HMG20A: variants seen among roughly 807,000 people sequenced by gnomAD.
HMG20A encodes the protein high mobility group protein 20A.
In HMG20A, 17 loss-of-function variants were observed where a neutral mutation model predicts 43.9. That is an observed-to-expected ratio of 0.39 (90% CI 0.27 to 0.58). HMG20A has a LOEUF of 0.58. Among genes scored for constraint, HMG20A ranks in the 20% least tolerant of loss-of-function variants. The probability of loss-of-function intolerance (pLI) is 0.59; values close to 1 mark genes in which losing one functional copy is unlikely to be tolerated. For missense variants in HMG20A, 341 were observed against 438.2 expected (o/e 0.78, Z 1.98); for synonymous variants, 132 against 147.5 (o/e 0.89, Z 0.76).
At chr15:77,448,269 T>A (rs1377129577) in intron 1 of HMG20A, among the ~76,000 whole-genome samples, 1 of 152,210 alleles carries the variant, frequency 6.6e-6, no homozygotes, top group African/African-American at 2.4e-5. Flanking sequence ...ATGCCTTATC[T>A]GCTGAAAACC....
At chr15:77,422,204 A>G (rs2073368990) in intron 1 of HMG20A, among the ~76,000 whole-genome samples, 3 of 152,350 alleles carry the variant, frequency 2.0e-5, no homozygotes, top group Non-Finnish European at 2.9e-5. Flanking sequence ...TTTAGTATAT[A>G]TATCAGTGAA....
chr15:77,462,124 A>G (rs114936874), intron 2 of HMG20A, among the ~76,000 whole-genome samples: 3,433 of 152,308 alleles, frequency 0.023, 107 homozygotes, highest in African/African-American at 0.072. Flanking sequence ...GGTCCACTGT[A>G]ATCTGGAATT....
At chr15:77,492,462 T>G in the HMG20A span, among the ~76,000 whole-genome samples, 118 of 152,274 alleles carry the variant, frequency 7.7e-4, 2 homozygotes, top group Non-Finnish European at 1.2e-3. Flanking sequence ...GCATAAATAC[T>G]CTTGAATTCA....
At chr15:77,510,205 C>G in the HMG20A span, among the ~76,000 whole-genome samples, 1 of 152,168 alleles carries the variant, frequency 6.6e-6, no homozygotes, top group African/African-American at 2.4e-5. Flanking sequence ...CTGGAAGGCT[C>G]TGCACACAGC....
At chr15:77,475,966 G>T (rs1038096821) in intron 6 of HMG20A, among the ~76,000 whole-genome samples, 2 of 152,128 alleles carry the variant, frequency 1.3e-5, no homozygotes, top group Non-Finnish European at 2.9e-5. Flanking sequence ...TCTTTTGTTA[G>T]GAAGAAAAAT....
chr15:77,517,577 T>C, the HMG20A span, among the ~76,000 whole-genome samples: 1 of 151,212 alleles, frequency 6.6e-6, no homozygotes, highest in Non-Finnish European at 1.5e-5. Context: ...TCCAGAAAAT[T>C]GTCTCTAATT....
At chr15:77,463,110 C>G (rs1198912780) in intron 2 of HMG20A, among the ~76,000 whole-genome samples, 1 of 152,148 alleles carries the variant, frequency 6.6e-6, no homozygotes, top group Non-Finnish European at 1.5e-5. Context: ...TCCTTCTGCT[C>G]AGAATCCTGC....
intron 2 of HMG20A, 58 bp downstream of exon 2, chr15:77,458,554 G>T: frequency 1.7e-6 from 2 of 1,191,308 alleles, no homozygotes; most frequent in Non-Finnish European, 2.5e-6. Flanking sequence ...AAAGCTTCTA[G>T]CAAAGTAAGA....
At chr15:77,442,268 A>C (rs1284719569) in intron 1 of HMG20A, among the ~76,000 whole-genome samples, 1 of 152,192 alleles carries the variant, frequency 6.6e-6, no homozygotes, top group Non-Finnish European at 1.5e-5. Flanking sequence ...AGTTAATAGG[A>C]CATAAATTGA....
At chr15:77,497,655 TAGAGAG>T in the HMG20A span, among the ~76,000 whole-genome samples, 138 of 128,082 alleles carry the variant, frequency 1.1e-3, no homozygotes, top group African/African-American at 3.6e-3. Flanking sequence ...GAGATATTAA[TAGAGAG>T]AGAGAGAGAG....
At chr15:77,459,459 CTA>C (rs2072685939) in intron 2 of HMG20A, among the ~76,000 whole-genome samples, 1 of 151,926 alleles carries the variant, frequency 6.6e-6, no homozygotes, top group Admixed American at 6.6e-5. Flanking sequence ...AAAACATATA[CTA>C]TGTTGATAAG....
chr15:77,426,412 C>A (rs548319973), intron 1 of HMG20A, among the ~76,000 whole-genome samples: 12 of 152,066 alleles, frequency 7.9e-5, no homozygotes, highest in African/African-American at 2.7e-4. Flanking sequence ...TGTATTCTTA[C>A]AATAAGCTAG....
At chr15:77,451,694 T>C (rs868186217) in intron 1 of HMG20A, among the ~76,000 whole-genome samples, 10 of 151,502 alleles carry the variant, frequency 6.6e-5, no homozygotes, top group African/African-American at 2.4e-4. Context: ...AAAAACAAGA[T>C]AAAATAAGTA....
At chr15:77,491,234 A>G in the HMG20A span, among the ~76,000 whole-genome samples, 1 of 152,252 alleles carries the variant, frequency 6.6e-6, no homozygotes, top group Non-Finnish European at 1.5e-5. Context: ...AGAAGACATC[A>G]CTGATACAGT....
downstream of HMG20A, among the ~76,000 whole-genome samples, chr15:77,488,954 C>G (rs2072958869): frequency 6.6e-6 from 1 of 152,170 alleles, no homozygotes; most frequent in South Asian, 2.1e-4. Context: ...AATTGGACAA[C>G]ACTGCTGGGT....
At chr15:77,458,296 T>C in intron 1 of HMG20A, 108 bp from the exon 2 acceptor site, 1 of 680,626 alleles carries the variant, frequency 1.5e-6, no homozygotes, top group Admixed American at 2.6e-5. Flanking sequence ...TCAGTTTTTA[T>C]TCTGTTGCTT....
chr15:77,452,101 A>G (rs1042455030), intron 1 of HMG20A, among the ~76,000 whole-genome samples: 4 of 152,246 alleles, frequency 2.6e-5, no homozygotes. Context: ...GCCTTGCTTG[A>G]GCAATAAATA....
intron 4 of HMG20A, among the ~76,000 whole-genome samples, chr15:77,468,967 T>A (rs796135350): frequency 2.8e-4 from 43 of 152,276 alleles, no homozygotes; most frequent in African/African-American, 8.9e-4. Context: ...GATATTTTTT[T>A]AAAATACAGT....
chr15:77,462,613 A>G (rs549744583), intron 2 of HMG20A, among the ~76,000 whole-genome samples: 1 of 152,000 alleles, frequency 6.6e-6, no homozygotes, highest in Admixed American at 6.6e-5. Flanking sequence ...ACACACACAC[A>G]CACACACACC....
Sources: allele counts gnomAD v4.1 joint callset (sites outside exome capture counted in the v4.1 genomes callset), GRCh38; gene constraint gnomAD v4.1.1; transcripts MANE v1.5; gene names NCBI Gene and HGNC (gene_info 2026-07-23, HGNC 2026-07-21).